COL7A1: variants seen among roughly 807,000 people sequenced by gnomAD.
COL7A1 encodes the protein collagen type VII alpha 1 chain.
COL7A1 carries 296 observed loss-of-function variants against 456.2 expected under a neutral mutation model. The ratio of observed to expected loss-of-function variants is 0.65; its 90% confidence interval spans 0.59 to 0.71. The LOEUF (loss-of-function observed/expected upper bound fraction) is 0.71, where lower values mean the gene tolerates loss of function less well. Ranked by LOEUF, COL7A1 falls within the 30% of genes least tolerant of loss-of-function variation. The probability of loss-of-function intolerance (pLI) is 0.00; values close to 1 mark genes in which losing one functional copy is unlikely to be tolerated. For missense variants in COL7A1, 3,441 were observed against 4,017.2 expected, an observed-to-expected ratio of 0.86 and a Z score of 3.88; for synonymous variants, 1,464 against 1,525.9, an observed-to-expected ratio of 0.96 and a Z score of 0.95.
Position 48,572,223 on chromosome 3 carries a change from AC to A in COL7A1, c.6979-53del, listed in dbSNP as rs775953241. The A allele has an allele frequency of 1.1e-5, 17 of 1,613,334 alleles. No homozygotes were observed. The East Asian group carries it at 3.6e-4, about 34-fold the overall frequency. The stretch of plus-strand genomic sequence containing the variant: ...CAGGCATCAGTCACAGAAAGATGAG[AC>A]TCCGGAGGGAGGCATGGGGCCAGAG... On this transcript the variant is annotated intron_variant, in intron 90 of 118. Coordinates refer to ENST00000681320, the MANE Select transcript of COL7A1 (RefSeq NM_000094.4). The surrounding 1 kb of genome is among the most constrained non-coding windows in gnomAD (Gnocchi z 4.6).
At position 48,571,732 on chromosome 3, in the gene COL7A1, G is replaced by A. The variant is rs2043933480; in HGVS notation, c.7068+269C>T. On this transcript the variant is annotated intron_variant, in intron 92 of 118. Coordinates refer to ENST00000681320, the MANE Select transcript of COL7A1 (RefSeq NM_000094.4). The surrounding 1 kb of genome is among the most constrained non-coding windows in gnomAD (Gnocchi z 4.6). ...GAACTCAGGTGTGTCCTGGGATCTGGGAGATCAGACCAGAGCACACGTGTG... is the reference window on the plus strand; with the variant it reads ...GAACTCAGGTGTGTCCTGGGATCTGAGAGATCAGACCAGAGCACACGTGTG... The A allele has an allele frequency of 3.1e-6, 2 of 637,904 alleles. No individual in the cohort carries two copies. The highest frequency in any genetic ancestry group is 5.8e-6 in the Non-Finnish European group (2 of 346,120). 39.5% of individuals were successfully genotyped at this position (637,904 alleles called of 1,614,324 possible).
chr3:48,564,679 C>A lies in COL7A1; in HGVS notation c.8818+104G>T. The A allele has an allele frequency of 7.4e-7, 1 of 1,343,722 alleles. No individual in the cohort carries two copies. The allele number at this position is 1,343,722 out of a possible 1,614,324, so 83.2% of individuals were successfully genotyped here. On this transcript the variant is annotated intron_variant, in intron 118 of 118. Coordinates refer to ENST00000681320, the MANE Select transcript of COL7A1 (RefSeq NM_000094.4). This position sits in a 1 kb window ranked among gnomAD's most constrained non-coding sequence, Gnocchi z 6.0. ...GTCCCCTACTGCGAGGGAGCGTCTCCTCCAGGACCCTGACCTGGAACCCTG... is the reference window on the plus strand; with the variant it reads ...GTCCCCTACTGCGAGGGAGCGTCTCATCCAGGACCCTGACCTGGAACCCTG...
In COL7A1 at chr3:48,594,929, C is replaced by T. The variant is rs1220578089; in HGVS notation, c.85+146G>A. ...AACCCAGCACCGATCGCGGAGGGTT[C>T]GGGGAGTCCCAGAATTAGGAGGAAT... On this transcript the variant is annotated intron_variant, in intron 2 of 118. Coordinates refer to ENST00000681320, the MANE Select transcript of COL7A1 (RefSeq NM_000094.4). The surrounding 1 kb of genome is among the most constrained non-coding windows in gnomAD (Gnocchi z 5.5). 6.9e-6 allele frequency: 5 copies of T among 726,600 alleles called. No individual in the cohort carries two copies. The highest frequency in any genetic ancestry group is 1.2e-5 in the Non-Finnish European group (5 of 431,472). The allele number at this position is 726,600 out of a possible 1,614,324, so 45.0% of individuals were successfully genotyped here.
rs775437783 is a variant in COL7A1, at chr3:48,582,343, G to A, written c.4615C>T (p.Pro1539Ser). Residue 1539 changes from proline to serine, a missense_variant, in exon 47 of 119, where the codon CCT becomes TCT. Around this residue, in one of 3 missense-constraint regions of COL7A1, gnomAD observed 2,084 missense variants for 2,501.3 expected, o/e 0.83. Transcript: ENST00000681320. ...CTCACCACCACTGCAGGGTCCCCAG[G>A]GCGACCAGGCTCCCCCTGTGGAGAG... ...RQGEKGEPGRPGDPAVVGPAV... is the reference protein window; with the variant it reads ...RQGEKGEPGRSGDPAVVGPAV... The A allele has an allele frequency of 3.1e-6, 5 of 1,613,998 alleles. No homozygotes were observed. In the South Asian group the frequency reaches 4.4e-5, roughly 14 times the overall value.
At position 48,568,749 on chromosome 3, in the gene COL7A1, C is replaced by T; in HGVS notation, c.7758+35G>A. The T allele has an allele frequency of 6.5e-7, 1 of 1,549,936 alleles. No homozygotes were observed. The highest frequency in any genetic ancestry group is 8.7e-7 in the Non-Finnish European group (1 of 1,144,858). On this transcript the variant is annotated intron_variant, in intron 104 of 118. Coordinates refer to ENST00000681320, the MANE Select transcript of COL7A1 (RefSeq NM_000094.4). This position sits in a 1 kb window ranked among gnomAD's most constrained non-coding sequence, Gnocchi z 5.2. ...GTGTGTGTGTGATGCTGGCTCTGGA[C>T]CTGGGCCTGGGCCTGGGCCTGGGGC... is the stretch of plus-strand genomic sequence containing the variant.
chr3:48,565,380 T>C lies in COL7A1; in HGVS notation c.8527+30A>G, dbSNP rs2107627391. The C allele has an allele frequency of 2.5e-6, 4 of 1,583,782 alleles. No homozygotes were observed. The South Asian group carries it at 3.4e-5, about 13-fold the overall frequency. On this transcript the variant is annotated intron_variant, in intron 116 of 118. Transcript: ENST00000681320. This position sits in a 1 kb window ranked among gnomAD's most constrained non-coding sequence, Gnocchi z 4.5. ...CATGTGCGTGTCTCGGCCCCACCCA[T>C]AGCTGCCCCACGGGTTCAGCTGTCC...
Position 48,587,688 on chromosome 3 carries a change from AGG to A in COL7A1, c.2857+103_2857+104del. ...TCATGCTGGGGTCACCCAGGGTCAGAGGGTGAGGGGTAGGGGTACAGGAGGAG... is the reference window on the plus strand; with the variant it reads ...TCATGCTGGGGTCACCCAGGGTCAGAGTGAGGGGTAGGGGTACAGGAGGAG... On this transcript the variant is annotated intron_variant, in intron 22 of 118. Transcript: ENST00000681320. This position sits in a 1 kb window ranked among gnomAD's most constrained non-coding sequence, Gnocchi z 6.1. 2 of 1,596,354 alleles carry A rather than the reference AGG, an allele frequency of 1.3e-6. No homozygotes were observed. The highest frequency in any genetic ancestry group is 1.7e-6 in the Non-Finnish European group (2 of 1,164,944).
In COL7A1 at chr3:48,564,774, A is replaced by G; in HGVS notation, c.8818+9T>C. On this transcript the variant is annotated intron_variant, in intron 118 of 118. Coordinates refer to ENST00000681320, the MANE Select transcript of COL7A1 (RefSeq NM_000094.4). This position sits in a 1 kb window ranked among gnomAD's most constrained non-coding sequence, Gnocchi z 6.0. ...GCCCAGTTCCCCACGGTGGGGGCTC[A>G]GCCCATACCTGTCCCCTGGCTCTGG... The G allele has an allele frequency of 1.2e-6, 2 of 1,612,452 alleles. No individual in the cohort carries two copies. The highest frequency in any genetic ancestry group is 1.7e-4 in the Middle Eastern group (1 of 6,050).
In COL7A1 at chr3:48,572,644, G is replaced by T. The variant is rs377606404; in HGVS notation, c.6900+27C>A. 8.7e-6 allele frequency: 14 copies of T among 1,603,804 alleles called. No homozygotes were observed. The highest frequency in any genetic ancestry group is 1.3e-5 in the African/African-American group (1 of 74,744). On this transcript the variant is annotated intron_variant, in intron 88 of 118. Coordinates refer to ENST00000681320, the MANE Select transcript of COL7A1 (RefSeq NM_000094.4). The surrounding 1 kb of genome is among the most constrained non-coding windows in gnomAD (Gnocchi z 4.6). ...GGGTGAGGCAGAGGAGTTGCTGCAGGGGGTGGAAGTCAGGGTCAAAGATCA... is the reference window on the plus strand; with the variant it reads ...GGGTGAGGCAGAGGAGTTGCTGCAGTGGGTGGAAGTCAGGGTCAAAGATCA...
rs200159730 is a variant in COL7A1, at chr3:48,575,918, G to A, written c.5821-16C>T. 1 of 1,614,142 alleles carries A rather than the reference G, an allele frequency of 6.2e-7. No homozygotes were observed. Among genetic ancestry groups the A allele is most frequent in the African/African-American group, 1.3e-5 (1 of 75,070 alleles). On this transcript the variant is annotated splice_polypyrimidine_tract_variant and intron_variant, in intron 71 of 118. Transcript: ENST00000681320. This position sits in a 1 kb window ranked among gnomAD's most constrained non-coding sequence, Gnocchi z 6.3. ...GATCCACATTCTGGGGACAAAGTCT[G>A]GGTGAAGGGCTGCCCATGACAGAGA... is the stretch of plus-strand genomic sequence containing the variant.
chr3:48,587,369 C>T lies in COL7A1; in HGVS notation c.2993-33G>A, dbSNP rs1296855831. On this transcript the variant is annotated intron_variant, in intron 23 of 118. Coordinates refer to ENST00000681320, the MANE Select transcript of COL7A1 (RefSeq NM_000094.4). The surrounding 1 kb of genome is among the most constrained non-coding windows in gnomAD (Gnocchi z 6.1). ...AGACAGAACTTGATTAAAAAGCTGTCTCCACAGAGCCCCAACTGCCAGCCC... is the reference window on the plus strand; with the variant it reads ...AGACAGAACTTGATTAAAAAGCTGTTTCCACAGAGCCCCAACTGCCAGCCC... The T allele has an allele frequency of 1.2e-6, 2 of 1,612,736 alleles. No individual in the cohort carries two copies. Among genetic ancestry groups the T allele is most frequent in the East Asian group, 2.2e-5 (1 of 44,870 alleles).
At position 48,582,552 on chromosome 3, in the gene COL7A1, A is replaced by C. The variant is rs1331014308; in HGVS notation, c.4564-39T>G. The C allele has an allele frequency of 4.3e-6, 7 of 1,613,902 alleles. No individual in the cohort carries two copies. In the Admixed American group the frequency reaches 1.2e-4, roughly 27 times the overall value. On this transcript the variant is annotated intron_variant, in intron 45 of 118. Transcript: ENST00000681320. ...AAGTGTGAGCCCAGGAGGGGAAGGGAAAGGGGAGGGACACACAAAAGTCCC... is the reference window on the plus strand; with the variant it reads ...AAGTGTGAGCCCAGGAGGGGAAGGGCAAGGGGAGGGACACACAAAAGTCCC...
rs2043582864 is a variant in COL7A1 at position 48,565,808 on chromosome 3, G to A, written c.8408-140C>T. The A allele has an allele frequency of 1.2e-6, 1 of 829,026 alleles. No individual in the cohort carries two copies. The highest frequency in any genetic ancestry group is 2.0e-6 in the Non-Finnish European group (1 of 498,070). The allele number at this position is 829,026 out of a possible 1,614,324, so 51.4% of individuals were successfully genotyped here. A position where few individuals can be genotyped will look rare whatever the true frequency, so the allele number is the denominator to read the frequency against. ...GAGGGTAACAGGAGAGAGAGGAAGAGAGAGGGTGGGAGGTAGATAGAGAGA... is the reference window on the plus strand; with the variant it reads ...GAGGGTAACAGGAGAGAGAGGAAGAAAGAGGGTGGGAGGTAGATAGAGAGA... On this transcript the variant is annotated intron_variant, in intron 114 of 118. Transcript: ENST00000681320. This position sits in a 1 kb window ranked among gnomAD's most constrained non-coding sequence, Gnocchi z 4.5.
chr3:48,573,768 A>T lies in COL7A1; in HGVS notation c.6538-43T>A. 1 of 1,613,720 alleles carries T rather than the reference A, an allele frequency of 6.2e-7. No individual in the cohort carries two copies. Among genetic ancestry groups the T allele is most frequent in the Non-Finnish European group, 8.5e-7 (1 of 1,179,922 alleles). On this transcript the variant is annotated intron_variant, in intron 81 of 118. Coordinates refer to ENST00000681320, the MANE Select transcript of COL7A1 (RefSeq NM_000094.4). This position sits in a 1 kb window ranked among gnomAD's most constrained non-coding sequence, Gnocchi z 5.5. ...AGTCTGATGAGGGGGAGTTAGCCGC[A>T]CCCCACCAAGGAAACTGAGGCAGTA...
At position 48,581,032 on chromosome 3, in the gene COL7A1, G is replaced by C. The variant is rs760949132; in HGVS notation, c.4935+90C>G. On this transcript the variant is annotated intron_variant, in intron 53 of 118. Transcript: ENST00000681320. The surrounding 1 kb of genome is among the most constrained non-coding windows in gnomAD (Gnocchi z 5.8). Reference sequence around the variant, plus strand: ...GAGCAGCAGCTGGACAGGAGGCAGGGAGTGGATGGATGAACTGGTGGAGCA... The same window carrying C: ...GAGCAGCAGCTGGACAGGAGGCAGGCAGTGGATGGATGAACTGGTGGAGCA... 38 of 1,598,866 alleles carry C rather than the reference G, an allele frequency of 2.4e-5. No individual in the cohort carries two copies. Among genetic ancestry groups the C allele is most frequent in the Non-Finnish European group, 3.3e-5 (38 of 1,167,156 alleles).
In COL7A1 at chr3:48,566,737, C is replaced by A; in HGVS notation, c.8227G>T (p.Gly2743Cys). ...RGPEGLQGQK[G>C]ERGPPGERVV... ...CTCTCTCCGGGGGGACCTCGCTCAC[C>A]CTGTCAGACACAGGGACCAAGTGAG... Residue 2743 changes from glycine to cysteine, a missense_variant and splice_region_variant, in exon 112 of 119, where the codon GGT becomes TGT. Gly to Cys is a radical substitution (Grantham distance 159). This residue lies in a region of COL7A1 where 2,084 missense variants were observed against 2,501.3 expected (regional missense o/e 0.83). Transcript: ENST00000681320. The surrounding 1 kb of genome is among the most constrained non-coding windows in gnomAD (Gnocchi z 5.9). 1 of 1,613,760 alleles carries A rather than the reference C, an allele frequency of 6.2e-7. No individual in the cohort carries two copies. Among genetic ancestry groups the A allele is most frequent in the Non-Finnish European group, 8.5e-7 (1 of 1,179,980 alleles).
In COL7A1 at chr3:48,565,709, G is replaced by A; in HGVS notation, c.8408-41C>T. 1 of 1,575,614 alleles carries A rather than the reference G, an allele frequency of 6.3e-7. No homozygotes were observed. Among genetic ancestry groups the A allele is most frequent in the Non-Finnish European group, 8.7e-7 (1 of 1,154,736 alleles). Reference sequence around the variant, plus strand: ...AGGGATAGAGAGACAATGACAGAGAGAAGGATGGGAAGATGGAGAGACAGA... The same window carrying A: ...AGGGATAGAGAGACAATGACAGAGAAAAGGATGGGAAGATGGAGAGACAGA... On this transcript the variant is annotated intron_variant, in intron 114 of 118. Coordinates refer to ENST00000681320, the MANE Select transcript of COL7A1 (RefSeq NM_000094.4). This position sits in a 1 kb window ranked among gnomAD's most constrained non-coding sequence, Gnocchi z 4.5.
rs757972415 is a variant in COL7A1, at chr3:48,575,500, C to T, written c.6019G>A (p.Asp2007Asn). 4.3e-6 allele frequency: 7 copies of T among 1,612,488 alleles called. No homozygotes were observed. The highest frequency in any genetic ancestry group is 3.3e-5 in the Admixed American group (2 of 60,006). ...GFPGERGLKG[D>N]RGDPGPQGPP... ...CCCTGAGGGCCAGGGTCTCCACGGTCGCCCTTCAGCCCGCGTTCTCCAGGA... is the reference window on the plus strand; with the variant it reads ...CCCTGAGGGCCAGGGTCTCCACGGTTGCCCTTCAGCCCGCGTTCTCCAGGA... Residue 2007 changes from aspartate to asparagine, a missense_variant, in exon 74 of 119, where the codon GAC (aspartate) becomes AAC (asparagine). Coordinates refer to ENST00000681320, the MANE Select transcript of COL7A1 (RefSeq NM_000094.4). This position sits in a 1 kb window ranked among gnomAD's most constrained non-coding sequence, Gnocchi z 6.3.
chr3:48,584,621 T>C, intron 35 of COL7A1, 65 bp from the exon 36 acceptor site: 1 of 1,611,062 alleles, frequency 6.2e-7, no homozygotes, highest in South Asian at 1.1e-5. Flanking sequence ...AAGAAGCCCC[T>C]AGACATGTCC....
Sources: gnomAD v4.1 joint callset for allele counts on GRCh38, gnomAD v4.1.1 for gene constraint, gnomAD v4.1.1 regional missense constraint, Gnocchi (gnomAD v3.1) non-coding constraint, MANE v1.5 for transcripts, NCBI Gene and HGNC (gene_info 2026-07-23, HGNC 2026-07-21) for gene names.